HCN1: variants seen among roughly 807,000 people sequenced by gnomAD.
HCN1 encodes potassium/sodium hyperpolarization-activated cyclic nucleotide-gated channel 1.
Under a neutral mutation model 78.9 loss-of-function variants are expected in HCN1, and 13 were observed. That is an observed-to-expected ratio of 0.16 (90% confidence interval 0.11 to 0.26). HCN1 has a LOEUF of 0.26. Among genes scored for constraint, HCN1 ranks in the 10% least tolerant of loss-of-function variants. The probability of loss-of-function intolerance (pLI) is 1.00; values close to 1 mark genes in which losing one functional copy is unlikely to be tolerated. For missense variants in HCN1, 810 were observed against 1,154.3 expected (o/e 0.70, Z 4.32); for synonymous variants, 552 against 455.5 (o/e 1.21, Z -2.70).
chr5:45,651,523 G>C (rs552128952), intron 1 of HCN1, among the ~76,000 whole-genome samples: 1 of 151,904 alleles, frequency 6.6e-6, no homozygotes, highest in East Asian at 1.9e-4. Flanking sequence ...TAAATACCCA[G>C]CTAGATTTAA....
rs112856057 is a variant in HCN1, at chr5:45,319,687, T to C, written c.1378-15848A>G. On this transcript the variant is annotated intron_variant, in intron 5 of 7. Coordinates refer to ENST00000303230, the MANE Select transcript of HCN1 (RefSeq NM_021072.4). ...TATTGTAATTGTTTTGTTGGTAATT[T>C]GTTTCCTGGTTTTTTTTTTAGCTTT... Among the ~76,000 whole-genome samples, 5 of 151,810 alleles carry C rather than the reference T, an allele frequency of 3.3e-5. 1 individual carries two copies. Among genetic ancestry groups the C allele is most frequent in the African/African-American group, 9.6e-5 (4 of 41,480 alleles).
chr5:45,695,581 T>G, intron 1 of HCN1, 88 bp downstream of exon 1: 1 of 1,276,616 alleles, frequency 7.8e-7, no homozygotes, highest in Non-Finnish European at 1.1e-6. Context: ...GCCCTCCTAG[T>G]CCCCGGGACG....
chr5:45,357,283 A>G (rs1747023137), intron 4 of HCN1, among the ~76,000 whole-genome samples: 1 of 152,064 alleles, frequency 6.6e-6, no homozygotes, highest in South Asian at 2.1e-4. Context: ...TTGACTCCAT[A>G]TAGAATTCTA....
At chr5:45,532,125 A>G (rs990084099) in intron 2 of HCN1, among the ~76,000 whole-genome samples, 4 of 152,194 alleles carry the variant, frequency 2.6e-5, no homozygotes, top group African/African-American at 9.7e-5. Context: ...CTATGTTTCC[A>G]TAACACTTTG....
intron 2 of HCN1, among the ~76,000 whole-genome samples, chr5:45,517,543 AAC>A (rs1491401865): frequency 6.6e-6 from 1 of 150,850 alleles, no homozygotes; most frequent in Non-Finnish European, 1.5e-5. Flanking sequence ...AAAAAAAAAA[AAC>A]ATGATTTCAC....
chr5:45,405,689 TAA>T (rs1377062592), intron 3 of HCN1, among the ~76,000 whole-genome samples: 1 of 152,190 alleles, frequency 6.6e-6, no homozygotes, highest in Admixed American at 6.6e-5. Context: ...ATTATAGGCA[TAA>T]GACACTTTGC....
At chr5:45,563,383 G>A (rs1418813459) in intron 2 of HCN1, among the ~76,000 whole-genome samples, 2 of 151,926 alleles carry the variant, frequency 1.3e-5, no homozygotes. Context: ...ACTTGGAAGC[G>A]GGGGTTGCAG....
chr5:45,320,418 A>T (rs1746100907), intron 5 of HCN1, among the ~76,000 whole-genome samples: 1 of 151,880 alleles, frequency 6.6e-6, no homozygotes, highest in Non-Finnish European at 1.5e-5. Flanking sequence ...AATAAAAAGA[A>T]GAGTCAACAT....
At chr5:45,560,785 G>T (rs1356265730) in intron 2 of HCN1, among the ~76,000 whole-genome samples, 3 of 151,790 alleles carry the variant, frequency 2.0e-5, no homozygotes, top group Non-Finnish European at 4.4e-5. Context: ...ATAATCTGAA[G>T]ACTTAACACA....
At chr5:45,464,676 A>G (rs1425830829) in intron 2 of HCN1, among the ~76,000 whole-genome samples, 1 of 151,142 alleles carries the variant, frequency 6.6e-6, no homozygotes, top group Non-Finnish European at 1.5e-5. Flanking sequence ...ATATAATATT[A>G]CTTGTGATGA....
chr5:45,607,112 A>G (rs1744739935), intron 2 of HCN1, among the ~76,000 whole-genome samples: 1 of 151,896 alleles, frequency 6.6e-6, no homozygotes, highest in Non-Finnish European at 1.5e-5. Context: ...ACTTAGGTAA[A>G]GACATATTTT....
chr5:45,681,911 G>C (rs748388213), intron 1 of HCN1, among the ~76,000 whole-genome samples: 4 of 152,128 alleles, frequency 2.6e-5, no homozygotes, highest in Non-Finnish European at 4.4e-5. Context: ...TAGATAGAAT[G>C]TTTATGTCTC....
intron 2 of HCN1, among the ~76,000 whole-genome samples, chr5:45,484,488 A>T (rs941489411): frequency 2.0e-5 from 3 of 152,104 alleles, no homozygotes; most frequent in Non-Finnish European, 4.4e-5. Flanking sequence ...ACTTCCAGGG[A>T]AGCCCTTTGG....
At chr5:45,679,278 G>C (rs1306935802) in intron 1 of HCN1, among the ~76,000 whole-genome samples, 1 of 151,990 alleles carries the variant, frequency 6.6e-6, no homozygotes, top group Non-Finnish European at 1.5e-5. Context: ...TCATAGGGTT[G>C]CTCTAAGGAC....
At chr5:45,550,424 T>C (rs557787198) in intron 2 of HCN1, among the ~76,000 whole-genome samples, 32 of 152,064 alleles carry the variant, frequency 2.1e-4, no homozygotes, top group African/African-American at 7.2e-4. Context: ...CATGTTCTCA[T>C]TCATAGGTGG....
In HCN1 at chr5:45,353,335, T is replaced by C. The variant is rs1387022792; in HGVS notation, c.1231-89A>G. Reference sequence around the variant, plus strand: ...TTTTGTTTTGCTATATTCAATAATATTTGAATACTCAGTTACAAAAAAAAA... The same window carrying C: ...TTTTGTTTTGCTATATTCAATAATACTTGAATACTCAGTTACAAAAAAAAA... On this transcript the variant is annotated intron_variant, in intron 4 of 7. Coordinates refer to ENST00000303230, the MANE Select transcript of HCN1 (RefSeq NM_021072.4). 2.6e-5 allele frequency: 25 copies of C among 959,642 alleles called. 2 individuals are homozygous for C. Among genetic ancestry groups the C allele is most frequent in the Non-Finnish European group, 3.9e-5 (24 of 615,758 alleles). The allele number at this position is 959,642 out of a possible 1,614,324, so 59.4% of individuals were successfully genotyped here. A position where few individuals can be genotyped will look rare whatever the true frequency, so the allele number is the denominator to read the frequency against.
At chr5:45,652,873 T>A (rs1170139336) in intron 1 of HCN1, among the ~76,000 whole-genome samples, 3 of 152,108 alleles carry the variant, frequency 2.0e-5, no homozygotes, top group Non-Finnish European at 4.4e-5. Context: ...TCTTCCCTAA[T>A]ACAATATTTT....
In HCN1 at chr5:45,501,794, C is replaced by T. The variant is rs370503584; in HGVS notation, c.850-39787G>A. The stretch of plus-strand genomic sequence containing the variant: ...TTATGATATGCCCCATATGCCTAGC[C>T]TTTGATTATGTGCTCCTTTACCCCA... On this transcript the variant is annotated intron_variant, in intron 2 of 7. Coordinates refer to ENST00000303230, the MANE Select transcript of HCN1 (RefSeq NM_021072.4). Among the ~76,000 whole-genome samples the T allele has an allele frequency of 3.9e-5, 6 of 152,190 alleles. No individual in the cohort carries two copies. The East Asian group carries it at 1.2e-3, about 29-fold the overall frequency.
chr5:45,682,273 A>G (rs867054708), intron 1 of HCN1, among the ~76,000 whole-genome samples: 3 of 104,048 alleles, frequency 2.9e-5, no homozygotes, highest in Admixed American at 2.9e-4. Flanking sequence ...ATATATATAC[A>G]TATATATATA....
Sources: gnomAD v4.1 joint callset for allele counts (sites outside exome capture counted in the v4.1 genomes callset) on GRCh38, gnomAD v4.1.1 for gene constraint, MANE v1.5 for transcripts, NCBI Gene and HGNC (gene_info 2026-07-23, HGNC 2026-07-21) for gene names.